Variants in MAT2B observed in about 807,000 individuals in gnomAD.
MAT2B encodes methionine adenosyltransferase 2 subunit beta.
In MAT2B, 16 loss-of-function variants were observed where a neutral mutation model predicts 36.1. The ratio of observed to expected loss-of-function variants is 0.44; its 90% CI spans 0.30 to 0.67. The LOEUF is 0.67. Among genes scored for constraint, MAT2B ranks in the 30% least tolerant of loss-of-function variants. The pLI is 0.09. For synonymous variants in MAT2B, 148 were observed against 136.9 expected (o/e 1.08, Z -0.57); for missense variants, 332 against 398.2 (o/e 0.83, Z 1.42).
intron 5 of MAT2B, 184 bp downstream of exon 5, chr5:163,516,895 C>T (rs746167230): frequency 3.3e-5 from 20 of 613,546 alleles, no homozygotes; most frequent in Non-Finnish European, 5.5e-5. Flanking sequence ...ATATTATGCT[C>T]TTCTGTTTGA....
upstream of MAT2B, chr5:163,503,065 G>GGTTTTT (rs956683362): frequency 3.8e-5 from 11 of 287,656 alleles, no homozygotes; most frequent in African/African-American, 1.7e-4. Context: ...GAAGTTGTTG[G>GGTTTTT]GTTTTTGTTT....
chr5:163,518,000 C>A, intron 6 of MAT2B, 193 bp from the exon 7 acceptor site: 1 of 525,602 alleles, frequency 1.9e-6, no homozygotes, highest in Non-Finnish European at 3.3e-6. Context: ...TGCCTGTAAT[C>A]CCAACACTTT....
intron 5 of MAT2B, 51 bp downstream of exon 5, chr5:163,516,762 C>T (rs76751991): frequency 4.5e-4 from 710 of 1,595,316 alleles, no homozygotes; most frequent in Non-Finnish European, 5.8e-4. Flanking sequence ...TTTGTCTTTT[C>T]CATGCTTGAA....
intron 5 of MAT2B, chr5:163,517,359 A>G (rs2113563375): frequency 3.0e-6 from 1 of 328,536 alleles, no homozygotes; most frequent in African/African-American, 2.1e-5. Context: ...CTTAAGGTTT[A>G]AATTCTAGAA....
intron 1 of MAT2B, among the ~76,000 whole-genome samples, chr5:163,507,416 T>G (rs141036276): frequency 0.01 from 1,553 of 152,330 alleles, 31 homozygotes; most frequent in African/African-American, 0.034. Context: ...GTTTTTTTGG[T>G]GTCCATAAAT....
At chr5:163,514,336 G>A (rs1295886940) in intron 4 of MAT2B, among the ~76,000 whole-genome samples, 1 of 152,116 alleles carries the variant, frequency 6.6e-6, no homozygotes, top group Non-Finnish European at 1.5e-5. Context: ...ATGTTACTGT[G>A]TTATATGTGT....
chr5:163,517,950 G>C (rs1035063869), intron 6 of MAT2B: 29 of 498,680 alleles, frequency 5.8e-5, no homozygotes, highest in African/African-American at 5.2e-4. Flanking sequence ...AAAATAAGTA[G>C]CAAATATAAA....
intron 1 of MAT2B, among the ~76,000 whole-genome samples, chr5:163,509,476 T>C (rs557693923): frequency 6.6e-6 from 1 of 152,268 alleles, no homozygotes; most frequent in Admixed American, 6.5e-5. Context: ...TTGGAACTTG[T>C]TGGGAATGCA....
intron 4 of MAT2B, 102 bp downstream of exon 4, chr5:163,514,096 G>A: frequency 1.1e-6 from 1 of 903,072 alleles, no homozygotes; most frequent in South Asian, 3.0e-5. Context: ...CAATGAATAT[G>A]AATCATTAGA....
At position 163,518,953 on chromosome 5, in the gene MAT2B, G is replaced by T. The variant is rs1214447338; in HGVS notation, c.*590G>T. 1.3e-5 allele frequency: 2 copies of T among 152,592 alleles called. No individual in the cohort carries two copies. The highest frequency in any genetic ancestry group is 2.4e-5 in the African/African-American group (1 of 41,446). The allele number at this position is 152,592 out of a possible 1,614,324, so 9.5% of individuals were successfully genotyped here. A position where few individuals can be genotyped will look rare whatever the true frequency, so the allele number is the denominator to read the frequency against. ...CAGTTTATGGGGAGCACTTGAAAGA[G>T]CGTGTGTACATGTATTTTTTTTCTA... On this transcript the variant is annotated 3_prime_UTR_variant, in exon 7 of 7. Transcript: ENST00000321757.
At chr5:163,516,804 T>A in intron 5 of MAT2B, 93 bp downstream of exon 5, 2 of 1,401,784 alleles carry the variant, frequency 1.4e-6, no homozygotes, top group Non-Finnish European at 2.0e-6. Flanking sequence ...TGTTACTGAG[T>A]GAAAGCCAAA....
rs1425332041 is a variant in MAT2B, at chr5:163,519,134, T to C, written c.*771T>C. 1 of 152,210 alleles carries C rather than the reference T, an allele frequency of 6.6e-6. No individual in the cohort carries two copies. Among genetic ancestry groups the C allele is most frequent in the Non-Finnish European group, 1.5e-5 (1 of 68,032 alleles). 9.4% of individuals were successfully genotyped at this position (152,210 alleles called of 1,614,324 possible). A position where few individuals can be genotyped will look rare whatever the true frequency, so the allele number is the denominator to read the frequency against. ...CACCATTCATGAATAATAATAAATA[T>C]GTACTGCTGGCATGTAATGCTTAGT... On this transcript the variant is annotated 3_prime_UTR_variant, in exon 7 of 7. Transcript: ENST00000321757.
intron 1 of MAT2B, among the ~76,000 whole-genome samples, chr5:163,510,269 A>G (rs1760016456): frequency 6.6e-6 from 1 of 152,110 alleles, no homozygotes. Flanking sequence ...GAAACATAGA[A>G]TTTAAATTTT....
At position 163,505,728 on chromosome 5, in the gene MAT2B, C is replaced by T. The variant is rs562221499; in HGVS notation, c.42C>T (p.Pro14=). The T allele has an allele frequency of 3.1e-6, 4 of 1,281,852 alleles. No individual in the cohort carries two copies. The highest frequency in any genetic ancestry group is 3.6e-5 in the Admixed American group (1 of 27,710). 79.4% of individuals were successfully genotyped at this position (1,281,852 alleles called of 1,614,324 possible). The stretch of plus-strand genomic sequence containing the variant: ...AAGAGCTCTCTATACACTTTGTTCC[C>T]GGGAGCTGTCGGCTGGTGGAGGTGA... ...REKELSIHFV[P]GSCRLVEEEV... The change falls in exon 1 of 7, where the codon CCC becomes CCT. Residue 14 remains proline, a synonymous_variant. Coordinates refer to ENST00000321757, the MANE Select transcript of MAT2B (RefSeq NM_013283.5).
intron 1 of MAT2B, among the ~76,000 whole-genome samples, chr5:163,508,347 C>T (rs182599860): frequency 0.012 from 1,803 of 152,264 alleles, 23 homozygotes; most frequent in Non-Finnish European, 0.015. Context: ...AAGCGATTCT[C>T]CTGCCTCAGC....
At chr5:163,517,948 T>A (rs1438195715) in intron 6 of MAT2B, 2 of 500,264 alleles carry the variant, frequency 4.0e-6, no homozygotes, top group South Asian at 3.4e-5. Flanking sequence ...CAAAAATAAG[T>A]AGCAAATATA....
upstream of MAT2B, among the ~76,000 whole-genome samples, chr5:163,503,594 G>C (rs546129730): frequency 2.5e-4 from 38 of 152,320 alleles, no homozygotes; most frequent in African/African-American, 8.9e-4. Flanking sequence ...GCCAACTTTA[G>C]TTACTGACCC....
chr5:163,507,650 T>G (rs1319149632), intron 1 of MAT2B, among the ~76,000 whole-genome samples: 1 of 152,234 alleles, frequency 6.6e-6, no homozygotes, highest in Admixed American at 6.5e-5. Flanking sequence ...GTTTAGACAT[T>G]TCTTCCTTGT....
upstream of MAT2B, among the ~76,000 whole-genome samples, chr5:163,504,511 A>C (rs946655177): frequency 1.3e-5 from 2 of 152,206 alleles, no homozygotes; most frequent in African/African-American, 4.8e-5. Flanking sequence ...GTTTGAAAAT[A>C]AACCAAAAAG....
Sources: allele counts gnomAD v4.1 joint callset (sites outside exome capture counted in the v4.1 genomes callset), GRCh38; gene constraint gnomAD v4.1.1; transcripts MANE v1.5; gene names NCBI Gene and HGNC (gene_info 2026-07-23, HGNC 2026-07-21).